The following ERG variants were observed in gnomAD, a reference collection of about 807,000 sequenced individuals.
ERG encodes the protein ETS transcription factor ERG.
Under a neutral mutation model 55.3 loss-of-function variants are expected in ERG, and 9 were observed. The ratio of observed to expected loss-of-function variants is 0.16; its 90% CI spans 0.10 to 0.28. ERG has a LOEUF of 0.28. Among genes scored for constraint, ERG ranks in the 10% least tolerant of loss-of-function variants. The probability of loss-of-function intolerance (pLI) is 1.00; values close to 1 mark genes in which losing one functional copy is unlikely to be tolerated. For synonymous variants in ERG, 223 were observed against 237.3 expected (o/e 0.94, Z 0.55); for missense variants, 434 against 631.6 (o/e 0.69, Z 3.35).
Position 38,631,361 on chromosome 21 carries a change from GA to G in ERG, c.-150+30296del, listed in dbSNP as rs544232885. Among the ~76,000 whole-genome samples, 7 of 150,168 alleles carry G rather than the reference GA, an allele frequency of 4.7e-5. No homozygotes were observed. In the East Asian group the frequency reaches 5.9e-4, roughly 13 times the overall value. ...TCTATGAGTCACAGAAAATTTGGTT[GA>G]AAAAAAAAGGAATCAGGAAGAATCA... On this transcript the variant is annotated intron_variant, in intron 1 of 10. Coordinates refer to the ERG transcript ENST00000398910.
chr21:38,402,544 G>A lies in ERG; in HGVS notation c.673+13C>T. ...ACGCTCTTGCTGGGAGGCAGGGGCG[G>A]GGCCAGCATTACCTGTGTTTCTAGC... On this transcript the variant is annotated intron_variant, in intron 5 of 9. Coordinates refer to ENST00000288319, the MANE Select transcript of ERG (RefSeq NM_182918.4). 6.2e-7 allele frequency: 1 copy of A among 1,606,218 alleles called. No homozygotes were observed. Among genetic ancestry groups the A allele is most frequent in the East Asian group, 2.2e-5 (1 of 44,724 alleles).
intron 2 of ERG, among the ~76,000 whole-genome samples, chr21:38,544,817 A>C (rs1331359671): frequency 6.6e-6 from 1 of 152,050 alleles, no homozygotes; most frequent in Non-Finnish European, 1.5e-5. Context: ...GCCTTCCTGG[A>C]TGCTCATGAA....
intron 2 of ERG, among the ~76,000 whole-genome samples, chr21:38,545,270 G>C (rs980574457): frequency 6.6e-6 from 1 of 152,096 alleles, no homozygotes; most frequent in Non-Finnish European, 1.5e-5. Context: ...GCCATAAAAT[G>C]TAAGTTCTTT....
intron 1 of ERG, among the ~76,000 whole-genome samples, chr21:38,469,866 G>T (rs2059124655): frequency 1.3e-5 from 2 of 152,158 alleles, no homozygotes; most frequent in Non-Finnish European, 2.9e-5. Flanking sequence ...AACATGATCT[G>T]CATAAATTAT....
At chr21:38,594,598 G>A (rs992023948) in intron 1 of ERG, among the ~76,000 whole-genome samples, 1 of 152,170 alleles carries the variant, frequency 6.6e-6, no homozygotes, top group Non-Finnish European at 1.5e-5. Context: ...TTGTGATGCA[G>A]ATGAAGGGGC....
At chr21:38,451,918 A>ATGATCATT (rs1311471234) in intron 1 of ERG, among the ~76,000 whole-genome samples, 1 of 152,378 alleles carries the variant, frequency 6.6e-6, no homozygotes, top group East Asian at 1.9e-4. Context: ...AAAGCTGGGT[A>ATGATCATT]TGATCATTTT....
At chr21:38,634,005 G>C (rs1287167881) in intron 1 of ERG, among the ~76,000 whole-genome samples, 3 of 152,056 alleles carry the variant, frequency 2.0e-5, no homozygotes, top group Non-Finnish European at 2.9e-5. Flanking sequence ...GGCCTGTTCT[G>C]TATATAATTC....
intron 2 of ERG, among the ~76,000 whole-genome samples, chr21:38,444,263 T>C (rs1286999177): frequency 2.6e-5 from 4 of 152,222 alleles, no homozygotes; most frequent in Non-Finnish European, 5.9e-5. Flanking sequence ...CTGGTTTAAA[T>C]CCAAACTCTG....
intron 2 of ERG, among the ~76,000 whole-genome samples, chr21:38,572,630 C>T (rs1206853399): frequency 6.6e-6 from 1 of 152,128 alleles, no homozygotes; most frequent in Non-Finnish European, 1.5e-5. Flanking sequence ...AAATAAATAT[C>T]TTTAACACAA....
At chr21:38,511,043 G>A (rs2059507564) in intron 2 of ERG, among the ~76,000 whole-genome samples, 1 of 152,176 alleles carries the variant, frequency 6.6e-6, no homozygotes, top group Non-Finnish European at 1.5e-5. Flanking sequence ...TTATTAGACT[G>A]CTTGTAAATG....
intron 2 of ERG, among the ~76,000 whole-genome samples, chr21:38,430,891 T>G (rs1990172469): frequency 6.6e-6 from 1 of 152,162 alleles, no homozygotes; most frequent in South Asian, 2.1e-4. Context: ...CCATGGCATT[T>G]GGTCATAACT....
intron 9 of ERG, 141 bp from the exon 10 acceptor site, chr21:38,384,064 G>A: frequency 8.5e-7 from 1 of 1,171,208 alleles, no homozygotes; most frequent in Non-Finnish European, 1.2e-6. Context: ...TCCCTCAGCT[G>A]CAGGGGTGCG....
intron 2 of ERG, among the ~76,000 whole-genome samples, chr21:38,573,452 A>G (rs2059973670): frequency 6.6e-6 from 1 of 152,190 alleles, no homozygotes; most frequent in Non-Finnish European, 1.5e-5. Flanking sequence ...GATGAGAGAA[A>G]AACCGCCCTA....
At chr21:38,499,206 C>T (rs1048641829), upstream of ERG, among the ~76,000 whole-genome samples, 1 of 152,070 alleles carries the variant, frequency 6.6e-6, no homozygotes, top group Non-Finnish European at 1.5e-5. Context: ...ACAAATGTCC[C>T]GGAATATCAG....
upstream of ERG, among the ~76,000 whole-genome samples, chr21:38,501,191 G>A (rs997660629): frequency 2.6e-4 from 38 of 148,518 alleles, no homozygotes; most frequent in Non-Finnish European, 4.9e-4. Flanking sequence ...TCAGCCTCCC[G>A]AGTAGCTGGG....
At chr21:38,532,418 T>C (rs2059679202) in intron 2 of ERG, among the ~76,000 whole-genome samples, 1 of 151,522 alleles carries the variant, frequency 6.6e-6, no homozygotes, top group Non-Finnish European at 1.5e-5. Context: ...ATTTCTGAAG[T>C]CACTACGAAA....
chr21:38,578,943 C>A (rs1271031007), intron 1 of ERG, among the ~76,000 whole-genome samples: 1 of 152,166 alleles, frequency 6.6e-6, no homozygotes, highest in Non-Finnish European at 1.5e-5. Context: ...TCAAACAGGG[C>A]ATTTCAAAGG....
intron 9 of ERG, among the ~76,000 whole-genome samples, chr21:38,386,075 C>T (rs907388237): frequency 6.6e-6 from 1 of 152,180 alleles, no homozygotes; most frequent in African/African-American, 2.4e-5. Flanking sequence ...GTGTGTAGGA[C>T]AGAATCAGTG....
chr21:38,456,350 T>C (rs1190256475), intron 1 of ERG, among the ~76,000 whole-genome samples: 1 of 152,204 alleles, frequency 6.6e-6, no homozygotes, highest in Non-Finnish European at 1.5e-5. Context: ...GCTAGTGTTA[T>C]GTTTTTAAGT....
Sources: gnomAD v4.1 joint callset for allele counts (sites outside exome capture counted in the v4.1 genomes callset) on GRCh38, gnomAD v4.1.1 for gene constraint, MANE v1.5 for transcripts, NCBI Gene and HGNC (gene_info 2026-07-23, HGNC 2026-07-21) for gene names.